Variants in PTPRM observed in about 807,000 individuals in gnomAD.
PTPRM encodes receptor-type tyrosine-protein phosphatase mu.
Under a neutral mutation model 186.7 loss-of-function variants are expected in PTPRM, and 47 were observed. The observed-to-expected ratio is 0.25, with a 90% CI of 0.20 to 0.32. The LOEUF (loss-of-function observed/expected upper bound fraction) is 0.32, where lower values mean the gene tolerates loss of function less well. Among genes scored for constraint, PTPRM ranks in the 10% least tolerant of loss-of-function variants. PTPRM has a pLI of 1.00. For synonymous variants in PTPRM, 668 were observed against 674.9 expected (o/e 0.99, Z 0.16); for missense variants, 1,494 against 1,865.0 (o/e 0.80, Z 3.66).
intron 1 of PTPRM, among the ~76,000 whole-genome samples, chr18:7,734,301 T>C (rs918978762): frequency 1.3e-5 from 2 of 152,272 alleles, no homozygotes; most frequent in South Asian, 2.1e-4. Context: ...TGGTACATTA[T>C]TTCTGTTGAA....
At chr18:7,759,548 G>T (rs2041671212) in intron 1 of PTPRM, among the ~76,000 whole-genome samples, 1 of 152,184 alleles carries the variant, frequency 6.6e-6, no homozygotes, top group Non-Finnish European at 1.5e-5. Flanking sequence ...TGAAGTCATT[G>T]AATTTGATAC....
At chr18:8,036,646 C>G (rs1002486359) in intron 7 of PTPRM, among the ~76,000 whole-genome samples, 8 of 152,178 alleles carry the variant, frequency 5.3e-5, no homozygotes, top group Non-Finnish European at 1.0e-4. Flanking sequence ...TATGCTTTCT[C>G]AGAGATGTTG....
intron 19 of PTPRM, among the ~76,000 whole-genome samples, chr18:8,258,434 C>G (rs1451903624): frequency 6.6e-6 from 1 of 152,168 alleles, no homozygotes; most frequent in Non-Finnish European, 1.5e-5. Flanking sequence ...CAGCCCTAGA[C>G]AAGGGTGTGT....
At position 8,069,776 on chromosome 18, in the gene PTPRM, C is replaced by A; in HGVS notation, c.1223C>A (p.Thr408Asn). Residue 408 changes from threonine to asparagine, a missense_variant, in exon 8 of 33, where the codon ACT becomes AAT. By Grantham distance (65) the Thr-to-Asn change is moderately conservative (BLOSUM62 0). Around this residue, in one of 3 missense-constraint regions of PTPRM, gnomAD observed 1,107 missense variants for 1,350.2 expected, o/e 0.82. Coordinates refer to ENST00000580170, the MANE Select transcript of PTPRM (RefSeq NM_001105244.2). ...TGGGAGCCATTTGGATATAATGTAA[C>A]TCGTTGCCACAGTTATAATCTCACT... is the stretch of plus-strand genomic sequence containing the variant. ...IRWEPFGYNVTRCHSYNLTVH... is the reference protein window; with the variant it reads ...IRWEPFGYNVNRCHSYNLTVH... The A allele has an allele frequency of 1.2e-6, 2 of 1,613,818 alleles. No individual in the cohort carries two copies. The highest frequency in any genetic ancestry group is 1.7e-6 in the Non-Finnish European group (2 of 1,179,684).
chr18:7,882,876 CACAA>C (rs1281253922), intron 2 of PTPRM, among the ~76,000 whole-genome samples: 2 of 152,188 alleles, frequency 1.3e-5, no homozygotes, highest in Admixed American at 1.3e-4. Context: ...TTACTGCTGT[CACAA>C]ACAATGATGG....
chr18:8,393,932 G>T (rs1457315551), intron 31 of PTPRM, among the ~76,000 whole-genome samples: 1 of 152,064 alleles, frequency 6.6e-6, no homozygotes, highest in Non-Finnish European at 1.5e-5. Flanking sequence ...GGGACTACAA[G>T]CACCCGCCAC....
chr18:7,567,602 CCAGGGA>C lies in PTPRM; in HGVS notation c.-211_-206del, dbSNP rs1362367045. ...CAGCGGCGCCAGACGCCGAGTGGGG[CCAGGGA>C]CAGGGGAGGAGGACCCAGGACCCTG... On this transcript the variant is annotated 5_prime_UTR_variant, in exon 1 of 33. Transcript: ENST00000580170. This position sits in a 1 kb window ranked among gnomAD's most constrained non-coding sequence, Gnocchi z 4.3. 2.4e-6 allele frequency: 1 copy of C among 415,752 alleles called. No homozygotes were observed. The allele number at this position is 415,752 out of a possible 1,614,324, so 25.8% of individuals were successfully genotyped here.
At chr18:7,597,881 C>T (rs1347682239) in intron 1 of PTPRM, among the ~76,000 whole-genome samples, 2 of 152,156 alleles carry the variant, frequency 1.3e-5, no homozygotes, top group Non-Finnish European at 2.9e-5. Context: ...AGCTTACTCC[C>T]TAAAACTATC....
intron 13 of PTPRM, among the ~76,000 whole-genome samples, chr18:8,131,714 A>C (rs1273014797): frequency 6.6e-6 from 1 of 152,242 alleles, no homozygotes; most frequent in Non-Finnish European, 1.5e-5. Context: ...TTCAGACACT[A>C]AGTATGAAAG....
chr18:7,687,478 A>G (rs142191371), intron 1 of PTPRM, among the ~76,000 whole-genome samples: 116 of 152,298 alleles, frequency 7.6e-4, no homozygotes, highest in African/African-American at 2.5e-3. Context: ...ACTCTAATTT[A>G]TTTGATATCA....
intron 4 of PTPRM, among the ~76,000 whole-genome samples, chr18:7,913,911 C>G (rs905881377): frequency 6.6e-6 from 1 of 152,070 alleles, no homozygotes; most frequent in Non-Finnish European, 1.5e-5. Flanking sequence ...TGTATTATTA[C>G]TTGGGCAATA....
At chr18:8,180,279 A>G (rs898960662) in intron 14 of PTPRM, among the ~76,000 whole-genome samples, 3 of 152,320 alleles carry the variant, frequency 2.0e-5, no homozygotes, top group African/African-American at 7.2e-5. Context: ...TGCAGCACCA[A>G]AGTTTGTTAG....
At chr18:7,906,631 G>C in intron 4 of PTPRM, 48 bp downstream of exon 4, 1 of 1,399,256 alleles carries the variant, frequency 7.1e-7, no homozygotes. Context: ...TTGGGGGCAT[G>C]TTTACATTAT....
intron 7 of PTPRM, among the ~76,000 whole-genome samples, chr18:8,054,298 AATATATATAT>A (rs34903203): frequency 4.6e-5 from 6 of 131,704 alleles, no homozygotes; most frequent in African/African-American, 2.0e-4. Flanking sequence ...TAGTAGTAGT[AATATATATAT>A]ATATATATAT....
At chr18:8,112,123 T>C (rs1195619996) in intron 11 of PTPRM, among the ~76,000 whole-genome samples, 1 of 152,254 alleles carries the variant, frequency 6.6e-6, no homozygotes, top group Non-Finnish European at 1.5e-5. Flanking sequence ...TTGTACTCCT[T>C]TTTTTAAGTT....
At position 7,975,936 on chromosome 18, in the gene PTPRM, C is replaced by T. The variant is rs144411219; in HGVS notation, c.1132+20522C>T. On this transcript the variant is annotated intron_variant, in intron 7 of 32. Coordinates refer to ENST00000580170, the MANE Select transcript of PTPRM (RefSeq NM_001105244.2). ...TTGTAATCCCAGCACTTTGGGAGCC[C>T]GAGGCAGGTGGATCACGAGGTCAGG... Among the ~76,000 whole-genome samples, 1,261 of 152,206 alleles carry T rather than the reference C, an allele frequency of 8.3e-3. 7 individuals are homozygous for T. The highest frequency in any genetic ancestry group is 0.033 in the South Asian group (161 of 4,820).
chr18:7,949,724 A>C (rs913525143), intron 6 of PTPRM, among the ~76,000 whole-genome samples: 2 of 152,166 alleles, frequency 1.3e-5, no homozygotes, highest in Non-Finnish European at 2.9e-5. Flanking sequence ...ATGATAGCAG[A>C]GTGGTTAATA....
chr18:7,888,384 G>GC lies in PTPRM; in HGVS notation c.468+8dup, dbSNP rs1375581013. On this transcript the variant is annotated splice_region_variant and intron_variant, in intron 3 of 32. Coordinates refer to ENST00000580170, the MANE Select transcript of PTPRM (RefSeq NM_001105244.2). Reference sequence around the variant, plus strand: ...CTGGCCTAACTTTTATCAGGTATGTGCTTTCTTTTTATTACATATTTTGAA... The same window carrying GC: ...CTGGCCTAACTTTTATCAGGTATGTGCCTTTCTTTTTATTACATATTTTGAA... 2 of 1,565,576 alleles carry GC rather than the reference G, an allele frequency of 1.3e-6. No individual in the cohort carries two copies. The highest frequency in any genetic ancestry group is 1.2e-5 in the South Asian group (1 of 82,772).
chr18:8,239,821 C>A (rs1601413116), intron 14 of PTPRM, among the ~76,000 whole-genome samples: 1 of 152,114 alleles, frequency 6.6e-6, no homozygotes, highest in East Asian at 1.9e-4. Context: ...CCACCAAGTC[C>A]TTTCTTTAAA....
Sources: allele counts gnomAD v4.1 joint callset (sites outside exome capture counted in the v4.1 genomes callset), GRCh38; gene constraint gnomAD v4.1.1; regional missense constraint gnomAD v4.1.1; non-coding constraint Gnocchi (gnomAD v3.1); transcripts MANE v1.5; gene names NCBI Gene and HGNC (gene_info 2026-07-23, HGNC 2026-07-21).